CACNA1C: variants seen among roughly 807,000 people sequenced by gnomAD.
The protein encoded by CACNA1C is voltage-dependent L-type calcium channel subunit alpha-1C.
A neutral mutation model predicts 229.0 loss-of-function variants in CACNA1C; 30 were observed. The ratio of observed to expected loss-of-function variants is 0.13; its 90% CI spans 0.10 to 0.18. The LOEUF is 0.18. Ranked by LOEUF, CACNA1C falls within the 10% of genes least tolerant of loss-of-function variation. The pLI is 1.00. For synonymous variants in CACNA1C, 1,114 were observed against 1,132.5 expected, an observed-to-expected ratio of 0.98 and a Z score of 0.33; for missense variants, 1,658 against 2,845.0, an observed-to-expected ratio of 0.58 and a Z score of 9.49.
intron 3 of CACNA1C, among the ~76,000 whole-genome samples, chr12:2,176,280 G>A (rs1418175111): frequency 3.9e-5 from 6 of 152,110 alleles, no homozygotes; most frequent in East Asian, 1.9e-4. Context: ...TGTGGAGCCC[G>A]TGTGGGGAAG....
intron 3 of CACNA1C, among the ~76,000 whole-genome samples, chr12:2,376,848 T>C (rs970232886): frequency 1.3e-5 from 2 of 151,830 alleles, no homozygotes; most frequent in African/African-American, 4.8e-5. Context: ...AGAGATGGGG[T>C]GAAAGATGGT....
chr12:2,426,598 T>G (rs1281497274), intron 3 of CACNA1C, among the ~76,000 whole-genome samples: 1 of 152,232 alleles, frequency 6.6e-6, no homozygotes, highest in Admixed American at 6.5e-5. Context: ...ACCCGGATAC[T>G]TAGTGGCTTT....
chr12:2,057,328 C>A (rs370024461), intron 1 of CACNA1C, among the ~76,000 whole-genome samples: 2 of 152,200 alleles, frequency 1.3e-5, no homozygotes, highest in East Asian at 3.9e-4. Context: ...TAAATGTCTG[C>A]GTGAATGAAT....
chr12:2,470,273 C>T (rs1343336807), intron 5 of CACNA1C, among the ~76,000 whole-genome samples: 1 of 152,142 alleles, frequency 6.6e-6, no homozygotes, highest in Admixed American at 6.5e-5. Context: ...TCAGGAAGCT[C>T]CATAATGGAT....
At position 2,053,638 on chromosome 12, in the gene CACNA1C, G is replaced by A. The variant is rs768810837; in HGVS notation, c.49+27G>A. The A allele has an allele frequency of 1.9e-6, 3 of 1,561,146 alleles. No individual in the cohort carries two copies. The highest frequency in any genetic ancestry group is 2.4e-5 in the East Asian group (1 of 40,998). ...TAAGGCTGGACCCCGCCGCCTCGCC[G>A]GGGCTCCCTGCCTTTTCCACCGGGT... On this transcript the variant is annotated intron_variant, in intron 1 of 46. Coordinates refer to ENST00000399655, the MANE Select transcript of CACNA1C (RefSeq NM_000719.7). The surrounding 1 kb of genome is among the most constrained non-coding windows in gnomAD (Gnocchi z 5.8).
At chr12:2,658,701 C>T (rs1297844490) in intron 34 of CACNA1C, among the ~76,000 whole-genome samples, 1 of 151,926 alleles carries the variant, frequency 6.6e-6, no homozygotes, top group East Asian at 1.9e-4. Flanking sequence ...GCATTGTTAT[C>T]ATAGGAGATG....
At chr12:2,492,014 A>G (rs1052792437) in intron 6 of CACNA1C, among the ~76,000 whole-genome samples, 5 of 145,964 alleles carry the variant, frequency 3.4e-5, no homozygotes, top group African/African-American at 1.3e-4. Flanking sequence ...GTGTATTTTC[A>G]TTGTTATAGG....
intron 9 of CACNA1C, among the ~76,000 whole-genome samples, chr12:2,540,449 A>G (rs1459051936): frequency 6.6e-6 from 1 of 152,098 alleles, no homozygotes; most frequent in East Asian, 1.9e-4. Flanking sequence ...AGAAGGGATG[A>G]AATTTGGATA....
chr12:2,281,143 G>T (rs1016010371), intron 3 of CACNA1C, among the ~76,000 whole-genome samples: 1 of 115,884 alleles, frequency 8.6e-6, no homozygotes, highest in Non-Finnish European at 1.6e-5. Context: ...CTTAATCATC[G>T]CAGTTTGTCT....
chr12:2,629,542 C>T (rs946938341), intron 29 of CACNA1C, among the ~76,000 whole-genome samples: 1 of 152,206 alleles, frequency 6.6e-6, no homozygotes, highest in Non-Finnish European at 1.5e-5. Context: ...CTCACCTCAA[C>T]TCTGTGCTTT....
chr12:2,485,813 T>C (rs1443991734), intron 5 of CACNA1C, among the ~76,000 whole-genome samples: 1 of 152,204 alleles, frequency 6.6e-6, no homozygotes, highest in East Asian at 1.9e-4. Flanking sequence ...GATGGGGTAT[T>C]ACACAATTTG....
intron 3 of CACNA1C, among the ~76,000 whole-genome samples, chr12:2,298,855 G>A (rs1207363252): frequency 6.6e-6 from 1 of 152,168 alleles, no homozygotes; most frequent in Non-Finnish European, 1.5e-5. Context: ...CCACCCTTCT[G>A]TGCCTGGCCA....
intron 8 of CACNA1C, among the ~76,000 whole-genome samples, chr12:2,507,150 C>T (rs570944640): frequency 8.5e-5 from 13 of 152,284 alleles, no homozygotes; most frequent in South Asian, 2.1e-4. Flanking sequence ...TGAGTCGATA[C>T]GCTGGTCTTT....
chr12:2,057,520 C>G (rs56148407), intron 1 of CACNA1C, among the ~76,000 whole-genome samples: 3 of 152,148 alleles, frequency 2.0e-5, no homozygotes, highest in Non-Finnish European at 4.4e-5. Context: ...ACACCTGCCC[C>G]GGCACAGGTA....
chr12:2,068,699 C>T (rs149905065), intron 1 of CACNA1C, among the ~76,000 whole-genome samples: 54 of 152,296 alleles, frequency 3.5e-4, no homozygotes, highest in African/African-American at 1.1e-3. Flanking sequence ...TGTGTTATGA[C>T]GGCCCTCGTG....
At position 2,566,531 on chromosome 12, in the gene CACNA1C, A is replaced by G. The variant is rs1418115666; in HGVS notation, c.1618A>G (p.Thr540Ala). The change falls in exon 12 of 47, where the codon ACC (threonine) becomes GCC (alanine). Residue 540 changes from threonine to alanine, a missense_variant. By Grantham distance (58) the Thr-to-Ala change is moderately conservative. Transcript: ENST00000399655. This position sits in a 1 kb window ranked among gnomAD's most constrained non-coding sequence, Gnocchi z 4.0. ...VIFLVFLNTL[T>A]IASEHYNQPN... ...TTTCCTGGTGTTCCTCAACACGCTC[A>G]CCATTGCCTCTGAGCACTACAACCA... is the stretch of plus-strand genomic sequence containing the variant. The G allele has an allele frequency of 1.3e-6, 2 of 1,597,232 alleles. No individual in the cohort carries two copies. The highest frequency in any genetic ancestry group is 3.4e-5 in the Admixed American group (2 of 58,044).
intron 4 of CACNA1C, among the ~76,000 whole-genome samples, chr12:2,452,409 A>G (rs2099387211): frequency 6.6e-6 from 1 of 151,736 alleles, no homozygotes; most frequent in African/African-American, 2.4e-5. Context: ...TTGCATCCCT[A>G]CCTCCCTAGC....
chr12:2,658,938 AT>A (rs1256501761), intron 34 of CACNA1C, among the ~76,000 whole-genome samples: 1 of 152,220 alleles, frequency 6.6e-6, no homozygotes, highest in Non-Finnish European at 1.5e-5. Flanking sequence ...TACAATGTGT[AT>A]TTTAAGTTGC....
intron 9 of CACNA1C, among the ~76,000 whole-genome samples, chr12:2,543,774 G>A (rs898614713): frequency 2.0e-5 from 3 of 152,188 alleles, no homozygotes; most frequent in Admixed American, 2.0e-4. Context: ...TGGCCCCCAT[G>A]AAAGACCAGC....
Sources: allele counts gnomAD v4.1 joint callset (sites outside exome capture counted in the v4.1 genomes callset), GRCh38; gene constraint gnomAD v4.1.1; non-coding constraint Gnocchi (gnomAD v3.1); transcripts MANE v1.5; gene names NCBI Gene and HGNC (gene_info 2026-07-23, HGNC 2026-07-21).